Variants in PRELID2 observed in about 807,000 individuals in gnomAD.
PRELID2 encodes PRELI domain containing 2, also known as PRELI domain-containing protein 2.
A neutral mutation model predicts 28.4 loss-of-function variants in PRELID2; 25 were observed. The observed-to-expected ratio is 0.88, with a 90% confidence interval of 0.64 to 1.23. PRELID2 has a LOEUF of 1.23. PRELID2 is among the 50% of genes most tolerant of loss of function. PRELID2 has a pLI of 0.00. For missense variants in PRELID2, 201 were observed against 214.4 expected (o/e 0.94, Z 0.39); for synonymous variants, 76 against 71.6 (o/e 1.06, Z -0.31).
At chr5:145,811,548 G>A (rs1753940015) in intron 4 of PRELID2, among the ~76,000 whole-genome samples, 1 of 152,170 alleles carries the variant, frequency 6.6e-6, no homozygotes, top group South Asian at 2.1e-4. Flanking sequence ...GCCTCCCAAA[G>A]TACGGGGATC....
At chr5:145,389,028 T>A in the PRELID2 span, among the ~76,000 whole-genome samples, 1 of 152,196 alleles carries the variant, frequency 6.6e-6, no homozygotes, top group Non-Finnish European at 1.5e-5. Context: ...CCTAATATTG[T>A]GACCAGCACA....
At position 145,818,130 on chromosome 5, in the gene PRELID2, TCA is replaced by T. The variant is rs1428732379; in HGVS notation, c.208-78_208-77del. 2.0e-6 allele frequency: 3 copies of T among 1,480,638 alleles called. No homozygotes were observed. The Admixed American group carries it at 5.7e-5, about 28-fold the overall frequency. 91.7% of individuals were successfully genotyped at this position (1,480,638 alleles called of 1,614,324 possible). ...ATAATGACTGCATCCAGAGTTACTCTCAGTCTTGGATAACCAAGAGGACAAGT... is the reference window on the plus strand; with the variant it reads ...ATAATGACTGCATCCAGAGTTACTCTGTCTTGGATAACCAAGAGGACAAGT... On this transcript the variant is annotated intron_variant, in intron 3 of 6. Coordinates refer to ENST00000683046, the MANE Select transcript of PRELID2 (RefSeq NM_205846.3).
intron 1 of PRELID2, among the ~76,000 whole-genome samples, chr5:145,495,248 T>G (rs1255101569): frequency 6.6e-6 from 1 of 152,222 alleles, no homozygotes; most frequent in Non-Finnish European, 1.5e-5. Flanking sequence ...ACTCTGCCCC[T>G]GCCTCTTCCG....
chr5:145,258,797 G>A, the PRELID2 span, among the ~76,000 whole-genome samples: 1 of 152,280 alleles, frequency 6.6e-6, no homozygotes, highest in Non-Finnish European at 1.5e-5. Flanking sequence ...GTAGAAATTT[G>A]CATAAGTAAA....
the PRELID2 span, among the ~76,000 whole-genome samples, chr5:145,333,026 C>T: frequency 6.6e-6 from 1 of 152,234 alleles, no homozygotes; most frequent in African/African-American, 2.4e-5. Context: ...AGTCAAGCCC[C>T]TCTGCTGCAG....
the PRELID2 span, among the ~76,000 whole-genome samples, chr5:145,459,401 C>T: frequency 6.6e-6 from 1 of 152,044 alleles, no homozygotes; most frequent in African/African-American, 2.4e-5. Context: ...GGTTAGATTT[C>T]TTAAGCTGAC....
intron 1 of PRELID2, among the ~76,000 whole-genome samples, chr5:145,578,183 C>A (rs115661115): frequency 0.015 from 2,283 of 152,254 alleles, 61 homozygotes; most frequent in African/African-American, 0.051. Flanking sequence ...TATCTCCCAT[C>A]TTGCCACATG....
intron 1 of PRELID2, among the ~76,000 whole-genome samples, chr5:145,629,831 A>G (rs985074620): frequency 1.4e-5 from 2 of 147,868 alleles, no homozygotes; most frequent in Non-Finnish European, 2.9e-5. Flanking sequence ...AATTCTTGCA[A>G]TAAATATACC....
chr5:145,697,993 A>AAG lies in PRELID2; in HGVS notation n.70+66937_70+66938insCT, dbSNP rs914808515. Among the ~76,000 whole-genome samples, 3 of 149,894 alleles carry AAG rather than the reference A, an allele frequency of 2.0e-5. 1 individual carries two copies. The South Asian group carries it at 6.3e-4, about 31-fold the overall frequency. On this transcript the variant is annotated intron_variant and non_coding_transcript_variant, in intron 1 of 2. Coordinates refer to the PRELID2 transcript ENST00000510259. Reference sequence around the variant, plus strand: ...GATTGTCCTAATGTCCCTCAAAAAAAATATATATATATATATACATGAAGT... The same window carrying AAG: ...GATTGTCCTAATGTCCCTCAAAAAAAAGATATATATATATATATACATGAAGT...
At chr5:145,538,641 G>T (rs1752721707) in intron 1 of PRELID2, among the ~76,000 whole-genome samples, 1 of 151,898 alleles carries the variant, frequency 6.6e-6, no homozygotes, top group African/African-American at 2.4e-5. Context: ...TCTGCCATCA[G>T]TCATGAGACT....
chr5:145,713,234 ATTATAG>A (rs1755742869), intron 1 of PRELID2, among the ~76,000 whole-genome samples: 1 of 151,232 alleles, frequency 6.6e-6, no homozygotes, highest in Admixed American at 6.6e-5. Flanking sequence ...ACCTAGACAC[ATTATAG>A]TTAAACTACT....
chr5:145,644,813 A>T (rs1754169457), intron 1 of PRELID2, among the ~76,000 whole-genome samples: 2 of 152,194 alleles, frequency 1.3e-5, no homozygotes, highest in South Asian at 4.1e-4. Context: ...GTTTCCATAT[A>T]GTTGTGTGGT....
At chr5:145,742,055 T>C (rs1425439295) in intron 1 of PRELID2, among the ~76,000 whole-genome samples, 29 of 109,534 alleles carry the variant, frequency 2.6e-4, no homozygotes, top group Admixed American at 1.2e-4. Context: ...ATAAATTTTA[T>C]TAATTTATTT....
At chr5:145,572,909 ACTCTTCTGG>A (rs1753027016) in intron 1 of PRELID2, among the ~76,000 whole-genome samples, 2 of 151,904 alleles carry the variant, frequency 1.3e-5, no homozygotes, top group South Asian at 4.2e-4. Context: ...CTTTGTGATT[ACTCTTCTGG>A]CATGAGAGAC....
chr5:145,632,728 A>T (rs61316690), intron 1 of PRELID2, among the ~76,000 whole-genome samples: 18,105 of 152,148 alleles, frequency 0.12, 2,991 homozygotes, highest in African/African-American at 0.37. Flanking sequence ...CTCCCTTGAG[A>T]GTGAGTTGGA....
chr5:145,268,989 C>G, the PRELID2 span, among the ~76,000 whole-genome samples: 1 of 151,934 alleles, frequency 6.6e-6, no homozygotes, highest in Non-Finnish European at 1.5e-5. Context: ...GTGGGCAAAA[C>G]CTCCATGCTA....
chr5:145,542,403 A>G (rs944551436), intron 1 of PRELID2, among the ~76,000 whole-genome samples: 1 of 152,166 alleles, frequency 6.6e-6, no homozygotes, highest in African/African-American at 2.4e-5. Flanking sequence ...CAGATCTTTT[A>G]TGCAACAGAT....
intron 1 of PRELID2, among the ~76,000 whole-genome samples, chr5:145,722,771 A>T (rs1189111375): frequency 2.6e-5 from 4 of 152,130 alleles, no homozygotes; most frequent in Admixed American, 2.0e-4. Flanking sequence ...AAGTGCTGGG[A>T]TTACAGGTGT....
chr5:145,372,259 G>A, the PRELID2 span, among the ~76,000 whole-genome samples: 1 of 152,090 alleles, frequency 6.6e-6, no homozygotes, highest in Non-Finnish European at 1.5e-5. Flanking sequence ...TTTGTTTTGA[G>A]TGAGTTTCTT....
Sources: gnomAD v4.1 joint callset for allele counts (sites outside exome capture counted in the v4.1 genomes callset) on GRCh38, gnomAD v4.1.1 for gene constraint, MANE v1.5 for transcripts, NCBI Gene and HGNC (gene_info 2026-07-23, HGNC 2026-07-21) for gene names.